Variants in AKAP12 observed in about 807,000 individuals in gnomAD.
AKAP12 encodes the protein A-kinase anchor protein 12.
A neutral mutation model predicts 79.9 loss-of-function variants in AKAP12; 32 were observed. The ratio of observed to expected loss-of-function variants is 0.40; its 90% CI spans 0.30 to 0.54. The LOEUF is 0.54. Ranked by LOEUF, AKAP12 falls within the 20% of genes least tolerant of loss-of-function variation. The pLI is 0.48. For synonymous variants in AKAP12, 808 were observed against 857.0 expected, an observed-to-expected ratio of 0.94 and a Z score of 1.00; for missense variants, 2,074 against 2,177.0, an observed-to-expected ratio of 0.95 and a Z score of 0.94.
intron 3 of AKAP12, among the ~76,000 whole-genome samples, chr6:151,321,911 T>C (rs1178847347): frequency 1.4e-5 from 2 of 144,430 alleles, no homozygotes; most frequent in Non-Finnish European, 3.0e-5. Flanking sequence ...ATGTTTTTTT[T>C]TTTTTTTTTT....
At chr6:151,346,279 T>C (rs1441525026) in intron 3 of AKAP12, among the ~76,000 whole-genome samples, 1 of 152,176 alleles carries the variant, frequency 6.6e-6, no homozygotes, top group Non-Finnish European at 1.5e-5. Context: ...CCCTCAGTGA[T>C]TTTAAAATTA....
intron 3 of AKAP12, among the ~76,000 whole-genome samples, chr6:151,348,157 A>C (rs1428546293): frequency 3.3e-5 from 5 of 150,862 alleles, no homozygotes; most frequent in East Asian, 2.0e-4. Flanking sequence ...CATCTCAAAA[A>C]AAACAAACAA....
intron 3 of AKAP12, among the ~76,000 whole-genome samples, chr6:151,347,222 A>T (rs1464626502): frequency 6.6e-6 from 1 of 152,186 alleles, no homozygotes; most frequent in Non-Finnish European, 1.5e-5. Context: ...TTTCTGTTAC[A>T]ACAAAATATT....
At chr6:151,333,356 A>G (rs1481826165) in intron 3 of AKAP12, among the ~76,000 whole-genome samples, 2 of 151,928 alleles carry the variant, frequency 1.3e-5, no homozygotes, top group African/African-American at 4.8e-5. Context: ...CCGCCCCCAC[A>G]TCTTTTAGGC....
chr6:151,293,606 G>T (rs1234980112), intron 2 of AKAP12, among the ~76,000 whole-genome samples: 1 of 152,070 alleles, frequency 6.6e-6, no homozygotes, highest in African/African-American at 2.4e-5. Flanking sequence ...TAGCTCTAGG[G>T]GTCTGTATTC....
At chr6:151,240,982 A>T (rs1796962338) in intron 2 of AKAP12, among the ~76,000 whole-genome samples, 1 of 151,996 alleles carries the variant, frequency 6.6e-6, no homozygotes, top group South Asian at 2.1e-4. Flanking sequence ...CGCCATGCGC[A>T]ATAATAAAAC....
Position 151,349,229 on chromosome 6 carries a change from T to C in AKAP12, c.838T>C (p.Ser280Pro). The change falls in exon 4 of 5, where the codon TCT becomes CCT. Residue 280 changes from serine (S) to proline (P), a missense_variant. Physicochemically the swap from Ser to Pro is moderately conservative, Grantham distance 74. Coordinates refer to ENST00000402676, the MANE Select transcript of AKAP12 (RefSeq NM_005100.4). ...EEKQEKEPSK[S>P]AESPTSPVTS... is the part of the protein sequence containing the mutation. ...GAAACAAGAAAAAGAACCTAGCAAG[T>C]CTGCAGAATCTCCGACTAGTCCCGT... 6.2e-7 allele frequency: 1 copy of C among 1,613,624 alleles called. No homozygotes were observed. The highest frequency in any genetic ancestry group is 1.7e-5 in the Admixed American group (1 of 59,944).
intron 3 of AKAP12, chr6:151,325,886 G>A (rs770582865): frequency 1.7e-5 from 27 of 1,614,084 alleles, no homozygotes; most frequent in Non-Finnish European, 2.3e-5. Flanking sequence ...ACCATCACAG[G>A]TAAGGCACAA....
chr6:151,328,966 T>G (rs1349398058), intron 3 of AKAP12, among the ~76,000 whole-genome samples: 5 of 152,158 alleles, frequency 3.3e-5, no homozygotes. Flanking sequence ...TATGAAATGA[T>G]TGCTTATTCA....
At chr6:151,253,825 G>A (rs969962148) in intron 2 of AKAP12, among the ~76,000 whole-genome samples, 5 of 151,982 alleles carry the variant, frequency 3.3e-5, no homozygotes, top group African/African-American at 1.2e-4. Context: ...TCTTGCCTCA[G>A]CCTCTTGAGT....
chr6:151,349,318 A>G lies in AKAP12; in HGVS notation c.927A>G (p.Lys309=). 1 of 1,613,968 alleles carries G rather than the reference A, an allele frequency of 6.2e-7. No individual in the cohort carries two copies. Among genetic ancestry groups the G allele is most frequent in the Non-Finnish European group, 8.5e-7 (1 of 1,179,984 alleles). ...FFTQGWAGWR[K]KTSFRKPKED... ...CTCAAGGTTGGGCCGGCTGGCGCAA[A>G]AAGACCAGTTTCAGGAAGCCGAAGG... The change falls in exon 4 of 5, where the codon AAA becomes AAG. Residue 309 remains lysine, a synonymous_variant. Transcript: ENST00000402676.
chr6:151,330,515 T>C (rs992048997), intron 3 of AKAP12, among the ~76,000 whole-genome samples: 1 of 152,110 alleles, frequency 6.6e-6, no homozygotes, highest in Non-Finnish European at 1.5e-5. Flanking sequence ...GGGGGAAAGA[T>C]AACTAGTTCC....
intron 3 of AKAP12, among the ~76,000 whole-genome samples, chr6:151,328,251 T>C (rs1288630697): frequency 6.9e-6 from 1 of 145,412 alleles, no homozygotes; most frequent in Non-Finnish European, 1.5e-5. Context: ...TGGCGTGAAC[T>C]CGGGAGGCAG....
rs1444913314 is a variant in AKAP12, at chr6:151,305,754, A to T, written c.170A>T (p.Gln57Leu). The T allele has an allele frequency of 1.2e-6, 2 of 1,610,584 alleles. No homozygotes were observed. Among genetic ancestry groups the T allele is most frequent in the African/African-American group, 2.7e-5 (2 of 74,846 alleles). ...GCTTTGTCTTTTCCATAGCTCCTAC[A>T]GAAGAATGGTCAGCTGTCCACCATC... The part of the protein sequence containing the change: ...AASDPATKLL[Q>L]KNGQLSTING... Residue 57 changes from glutamine to leucine, a missense_variant, in exon 3 of 5, where the codon CAG becomes CTG. Coordinates refer to ENST00000402676, the MANE Select transcript of AKAP12 (RefSeq NM_005100.4).
chr6:151,261,732 ATTTTATTT>A (rs1797441623), intron 2 of AKAP12, among the ~76,000 whole-genome samples: 1 of 129,970 alleles, frequency 7.7e-6, no homozygotes, highest in Non-Finnish European at 1.6e-5. Flanking sequence ...GGTTTTTATT[ATTTTATTT>A]ATTTATTTAT....
intron 2 of AKAP12, among the ~76,000 whole-genome samples, chr6:151,246,074 T>A (rs1797069664): frequency 6.6e-6 from 1 of 152,224 alleles, no homozygotes; most frequent in Non-Finnish European, 1.5e-5. Context: ...ATATTTAGAT[T>A]GTCCTCGTCC....
rs1481867654 is a variant in AKAP12, at chr6:151,248,274, T to TG, written c.162+7550_162+7551insG. On this transcript the variant is annotated intron_variant, in intron 2 of 4. Transcript: ENST00000402676. ...AGGGTCTGGGATTCTGTGATTTTTT[T>TG]TTTTTTTTTTGAGAGACAGGGTCTC... Among the ~76,000 whole-genome samples the TG allele has an allele frequency of 3.3e-5, 5 of 151,594 alleles. No individual in the cohort carries two copies. The East Asian group carries it at 9.7e-4, about 29-fold the overall frequency.
intron 3 of AKAP12, among the ~76,000 whole-genome samples, chr6:151,334,345 A>G (rs971272715): frequency 2.6e-5 from 4 of 151,928 alleles, no homozygotes; most frequent in South Asian, 4.2e-4. Context: ...TGTAATCCCA[A>G]CACTTTCAGA....
chr6:151,309,832 A>G (rs1777051603), intron 3 of AKAP12, among the ~76,000 whole-genome samples: 1 of 152,204 alleles, frequency 6.6e-6, no homozygotes, highest in Non-Finnish European at 1.5e-5. Context: ...TTTTCAGTTT[A>G]TACAAACAGC....
Sources: gnomAD v4.1 joint callset for allele counts (sites outside exome capture counted in the v4.1 genomes callset) on GRCh38, gnomAD v4.1.1 for gene constraint, MANE v1.5 for transcripts, NCBI Gene and HGNC (gene_info 2026-07-23, HGNC 2026-07-21) for gene names.